The following ATG7 variants were observed in gnomAD, a reference collection of about 807,000 sequenced individuals.
ATG7 encodes the protein autophagy related 7.
ATG7 carries 70 observed loss-of-function variants against 82.4 expected under a neutral mutation model. The ratio of observed to expected loss-of-function variants is 0.85; its 90% confidence interval spans 0.70 to 1.04. The LOEUF is 1.04. Among genes scored for constraint, ATG7 ranks in the 50% least tolerant of loss-of-function variants. The pLI, the probability that ATG7 is intolerant of heterozygous loss-of-function variation, is 0.00. For missense variants in ATG7, 792 were observed against 864.3 expected (o/e 0.92, Z 1.05); for synonymous variants, 287 against 313.0 (o/e 0.92, Z 0.88).
At chr3:11,430,558 A>G (rs537703906) in intron 20 of ATG7, among the ~76,000 whole-genome samples, 3 of 152,326 alleles carry the variant, frequency 2.0e-5, no homozygotes, top group East Asian at 3.9e-4. Context: ...ATTCAACTAG[A>G]TAATTATATG....
chr3:11,355,247 C>T (rs1426966380), intron 14 of ATG7, among the ~76,000 whole-genome samples: 1 of 152,158 alleles, frequency 6.6e-6, no homozygotes, highest in East Asian at 1.9e-4. Context: ...GGAGAGACCT[C>T]ATTGAATACT....
intron 3 of ATG7, among the ~76,000 whole-genome samples, chr3:11,289,485 C>T (rs766348563): frequency 2.6e-5 from 4 of 152,214 alleles, no homozygotes; most frequent in Non-Finnish European, 4.4e-5. Flanking sequence ...TGTCATGGAA[C>T]GGTTTCAGCA....
Position 11,411,619 on chromosome 3 carries a change from CAA to C in ATG7, c.1957-15157_1957-15156del, listed in dbSNP as rs71055868. ...TGGTGACACAGCAAGACTCTGTCTC[CAA>C]AAAAAAAAAAAAAAAAAAAAAAAAA... On this transcript the variant is annotated intron_variant, in intron 19 of 20. Coordinates refer to ENST00000693202, the MANE Select transcript of ATG7 (RefSeq NM_001349232.2). 9.9e-3 allele frequency among the ~76,000 whole-genome samples: 710 copies of C among 71,618 alleles called. 3 individuals carry two copies. The highest frequency in any genetic ancestry group is 0.028 in the Middle Eastern group (3 of 108). 47.0% of individuals were successfully genotyped at this position (71,618 alleles called of 152,430 possible). A position where few individuals can be genotyped will look rare whatever the true frequency, so the allele number is the denominator to read the frequency against.
intron 11 of ATG7, 72 bp downstream of exon 11, chr3:11,333,165 C>T (rs1446311450): frequency 6.9e-7 from 1 of 1,442,124 alleles, no homozygotes; most frequent in Non-Finnish European, 9.2e-7. Context: ...ACTTTCTTTT[C>T]ATATCGTCAC....
chr3:11,568,649 T>C, the ATG7 span: 15 of 1,566,710 alleles, frequency 9.6e-6, no homozygotes, highest in African/African-American at 1.4e-5. This position sits in a 1 kb window ranked among gnomAD's most constrained non-coding sequence, Gnocchi z 5.9. Flanking sequence ...AAGACAGACA[T>C]TGTTTTCCAG....
At chr3:11,546,291 C>T (rs1028511617) in intron 20 of ATG7, among the ~76,000 whole-genome samples, 2 of 150,784 alleles carry the variant, frequency 1.3e-5, no homozygotes, top group Non-Finnish European at 2.9e-5. Context: ...CCTGCCTCAG[C>T]CTCCCGAGTA....
At chr3:11,453,907 G>A (rs1018228351) in intron 20 of ATG7, among the ~76,000 whole-genome samples, 102 of 152,226 alleles carry the variant, frequency 6.7e-4, no homozygotes, top group African/African-American at 2.4e-3. Flanking sequence ...AAAGGTTTCT[G>A]GATACCGTAG....
At chr3:11,462,841 TTTTATTTA>T (rs200412655) in intron 20 of ATG7, among the ~76,000 whole-genome samples, 58,863 of 135,120 alleles carry the variant, frequency 0.44, 13,317 homozygotes, top group Admixed American at 0.51. Flanking sequence ...TCTCAGATAT[TTTTATTTA>T]TTTATTTATT....
downstream of ATG7, among the ~76,000 whole-genome samples, chr3:11,562,458 A>T (rs1396053579): frequency 6.6e-6 from 1 of 152,086 alleles, no homozygotes; most frequent in Non-Finnish European, 1.5e-5. Flanking sequence ...CTGCCTGTGG[A>T]CACAGAGCTT....
At chr3:11,360,510 A>G in intron 15 of ATG7, 71 bp from the exon 16 acceptor site, 1 of 1,458,368 alleles carries the variant, frequency 6.9e-7, no homozygotes, top group Admixed American at 2.2e-5. Flanking sequence ...AGTTGAGCAA[A>G]TATGGAATTA....
intron 3 of ATG7, among the ~76,000 whole-genome samples, chr3:11,284,924 G>T (rs1188025476): frequency 6.7e-6 from 1 of 149,468 alleles, no homozygotes; most frequent in Non-Finnish European, 1.5e-5. Flanking sequence ...TTGGCTCACT[G>T]CAAGCTCCGC....
chr3:11,415,069 G>A (rs1402313284), intron 19 of ATG7, among the ~76,000 whole-genome samples: 1 of 152,230 alleles, frequency 6.6e-6, no homozygotes, highest in Non-Finnish European at 1.5e-5. Flanking sequence ...AGGCTATATG[G>A]CATAGCTTGT....
chr3:11,564,382 A>G, the ATG7 span, among the ~76,000 whole-genome samples: 27 of 143,154 alleles, frequency 1.9e-4, no homozygotes, highest in African/African-American at 6.9e-4. Context: ...CATCCGCGTG[A>G]CCGTCTAAAG....
At chr3:11,572,534 C>G in the ATG7 span, among the ~76,000 whole-genome samples, 1 of 152,176 alleles carries the variant, frequency 6.6e-6, no homozygotes, top group Admixed American at 6.5e-5. Flanking sequence ...CTCCTCAGTC[C>G]CATTCCCCTC....
chr3:11,558,594 T>C (rs756315421), downstream of ATG7: 4 of 1,604,674 alleles, frequency 2.5e-6, no homozygotes, highest in African/African-American at 1.3e-5. Flanking sequence ...TGGCTGACCA[T>C]GTGGGCAGAG....
intron 20 of ATG7, among the ~76,000 whole-genome samples, chr3:11,551,767 G>A (rs966435206): frequency 2.7e-5 from 4 of 148,702 alleles, no homozygotes; most frequent in African/African-American, 1.0e-4. Context: ...TTTTTTTCTC[G>A]AGGCAGGGTC....
intron 20 of ATG7, among the ~76,000 whole-genome samples, chr3:11,548,579 AT>A (rs1468925963): frequency 6.6e-6 from 1 of 152,142 alleles, no homozygotes; most frequent in African/African-American, 2.4e-5. Context: ...CTGTGTTTAT[AT>A]TTGCAAAATT....
intron 19 of ATG7, among the ~76,000 whole-genome samples, chr3:11,397,699 C>T (rs1055181666): frequency 2.0e-5 from 3 of 151,404 alleles, no homozygotes; most frequent in South Asian, 2.1e-4. Context: ...TCAAGTGATC[C>T]GCCCACCTCG....
At chr3:11,349,873 G>A (rs1349755424) in intron 14 of ATG7, among the ~76,000 whole-genome samples, 2 of 152,204 alleles carry the variant, frequency 1.3e-5, no homozygotes, top group African/African-American at 4.8e-5. Context: ...TATATCATTA[G>A]AAATACCAGA....
Sources: gnomAD v4.1 joint callset for allele counts (sites outside exome capture counted in the v4.1 genomes callset) on GRCh38, gnomAD v4.1.1 for gene constraint, Gnocchi (gnomAD v3.1) non-coding constraint, MANE v1.5 for transcripts, NCBI Gene and HGNC (gene_info 2026-07-23, HGNC 2026-07-21) for gene names.